Variants in ATL1 observed in about 807,000 individuals in gnomAD.
The protein encoded by ATL1 is atlastin-1.
ATL1 carries 31 observed loss-of-function variants against 75.5 expected under a neutral mutation model. The observed-to-expected ratio is 0.41, with a 90% confidence interval of 0.31 to 0.55. The LOEUF is 0.55. Among genes scored for constraint, ATL1 ranks in the 20% least tolerant of loss-of-function variants. The pLI, the probability that ATL1 is intolerant of heterozygous loss-of-function variation, is 0.27. For missense variants in ATL1, 405 were observed against 662.6 expected (o/e 0.61, Z 4.27); for synonymous variants, 226 against 233.3 (o/e 0.97, Z 0.28).
chr14:50,584,079 TA>T (rs1231486427), intron 1 of ATL1, among the ~76,000 whole-genome samples: 2 of 152,138 alleles, frequency 1.3e-5, no homozygotes, highest in Non-Finnish European at 2.9e-5. Flanking sequence ...AAGCAAACTT[TA>T]AAACATAGAA....
chr14:50,628,425 C>A lies in ATL1; in HGVS notation c.1514C>A (p.Ala505Asp). Residue 505 changes from alanine to aspartate, a missense_variant, in exon 12 of 14, where the codon GCT becomes GAT. By Grantham distance (126) the Ala-to-Asp change is moderately radical. Around this residue, in one of 5 missense-constraint regions of ATL1, gnomAD observed 163 missense variants for 244.1 expected, o/e 0.67. Coordinates refer to ENST00000358385, the MANE Select transcript of ATL1 (RefSeq NM_015915.5). ...RYSGEYRELGAVIDQVAAALW... is the reference protein window; with the variant it reads ...RYSGEYRELGDVIDQVAAALW... ...TCTGGAGAATACCGAGAGCTGGGAG[C>A]TGTAATAGACCAGGTGGCTGCAGCT... 6.2e-7 allele frequency: 1 copy of A among 1,614,098 alleles called. No individual in the cohort carries two copies. The highest frequency in any genetic ancestry group is 8.5e-7 in the Non-Finnish European group (1 of 1,180,028).
intron 6 of ATL1, among the ~76,000 whole-genome samples, chr14:50,609,362 A>G (rs1460349445): frequency 1.3e-5 from 2 of 152,042 alleles, no homozygotes; most frequent in Non-Finnish European, 2.9e-5. Context: ...ACTAAAAAGT[A>G]GGAGAATGAG....
At position 50,614,640 on chromosome 14, in the gene ATL1, G is replaced by C. The variant is rs931675040; in HGVS notation, c.862+129G>C. 41 of 1,053,880 alleles carry C rather than the reference G, an allele frequency of 3.9e-5. 1 individual carries two copies. The African/African-American group carries it at 6.0e-4, about 15-fold the overall frequency. The allele number at this position is 1,053,880 out of a possible 1,614,324, so 65.3% of individuals were successfully genotyped here. On this transcript the variant is annotated intron_variant, in intron 8 of 13. Coordinates refer to ENST00000358385, the MANE Select transcript of ATL1 (RefSeq NM_015915.5). ...GGAGGCTGATGATTAGAAATTGTCA[G>C]GAGAATAGGGCATCCTGGGCTGGTG...
chr14:50,593,893 C>G lies in ATL1; in HGVS notation c.570C>G (p.Leu190=), dbSNP rs202173614. The G allele has an allele frequency of 1.6e-4, 262 of 1,604,762 alleles. 2 individuals carry two copies. In the East Asian group the frequency reaches 5.7e-3, roughly 35 times the overall value. ...QNVQEDDLQH[L]QLFTEYGRLA... is the part of the protein sequence containing the mutation. Reference sequence around the variant, plus strand: ...TCCAGGAGGATGATCTTCAGCACCTCCAGGTAACAATATTTATTTTCTTTT... The same window carrying G: ...TCCAGGAGGATGATCTTCAGCACCTGCAGGTAACAATATTTATTTTCTTTT... The change falls in exon 5 of 14, where the codon CTC becomes CTG. Residue 190 remains leucine (L), a synonymous_variant. Transcript: ENST00000358385.
At chr14:50,593,541 C>G (rs2039183429) in intron 4 of ATL1, among the ~76,000 whole-genome samples, 2 of 152,074 alleles carry the variant, frequency 1.3e-5, no homozygotes, top group African/African-American at 4.8e-5. Context: ...ATTATTTTGT[C>G]TTGCTTGGAA....
At chr14:50,602,759 T>C (rs1002695869) in intron 6 of ATL1, among the ~76,000 whole-genome samples, 16 of 152,140 alleles carry the variant, frequency 1.1e-4, no homozygotes, top group Non-Finnish European at 7.4e-5. Context: ...TAGTTGGGAA[T>C]TTTAGCAGGA....
chr14:50,588,792 G>C (rs1316420082), intron 2 of ATL1, among the ~76,000 whole-genome samples: 1 of 152,064 alleles, frequency 6.6e-6, no homozygotes, highest in Non-Finnish European at 1.5e-5. Context: ...TTCAGGCTTA[G>C]GATTTTTATG....
intron 6 of ATL1, 140 bp downstream of exon 6, chr14:50,595,772 C>A: frequency 1.4e-6 from 1 of 715,054 alleles, no homozygotes; most frequent in Non-Finnish European, 2.4e-6. Context: ...CTATTTGATG[C>A]AATATAGAAT....
chr14:50,597,735 C>A (rs1295980756), intron 6 of ATL1, among the ~76,000 whole-genome samples: 3 of 152,064 alleles, frequency 2.0e-5, no homozygotes, highest in African/African-American at 7.2e-5. Flanking sequence ...CACTCTGTCG[C>A]CCAGGCTGGA....
intron 1 of ATL1, among the ~76,000 whole-genome samples, chr14:50,577,969 A>C (rs992340970): frequency 6.6e-6 from 1 of 152,170 alleles, no homozygotes; most frequent in African/African-American, 2.4e-5. Flanking sequence ...TACCATAATT[A>C]TATGTATGGG....
At chr14:50,562,529 A>G (rs2038860173) in intron 1 of ATL1, among the ~76,000 whole-genome samples, 1 of 152,186 alleles carries the variant, frequency 6.6e-6, no homozygotes, top group Admixed American at 6.5e-5. Context: ...ATTTTAGGTG[A>G]TTGGGAAGCA....
intron 1 of ATL1, among the ~76,000 whole-genome samples, chr14:50,577,869 A>G (rs1330522771): frequency 6.6e-6 from 1 of 152,174 alleles, no homozygotes; most frequent in Non-Finnish European, 1.5e-5. Flanking sequence ...ATTTCATTGT[A>G]TGGATATACC....
chr14:50,564,440 G>A lies in ATL1; in HGVS notation c.34+4141G>A, dbSNP rs112876220. 4.7e-3 allele frequency among the ~76,000 whole-genome samples: 710 copies of A among 152,042 alleles called. 1 individual carries two copies. Among genetic ancestry groups the A allele is most frequent in the Admixed American group, 8.1e-3 (123 of 15,264 alleles). On this transcript the variant is annotated intron_variant, in intron 1 of 13. Transcript: ENST00000358385. Reference sequence around the variant, plus strand: ...TAAGGCGGGCAGATCAGGAGGTCAGGAGATGGAGACCATCCTGGCTGACAC... The same window carrying A: ...TAAGGCGGGCAGATCAGGAGGTCAGAAGATGGAGACCATCCTGGCTGACAC...
At chr14:50,608,280 C>A (rs533578400) in intron 6 of ATL1, among the ~76,000 whole-genome samples, 14 of 151,218 alleles carry the variant, frequency 9.3e-5, no homozygotes, top group Non-Finnish European at 1.5e-4. Context: ...GAAATCCATA[C>A]ATGATGAATG....
intron 11 of ATL1, among the ~76,000 whole-genome samples, chr14:50,627,149 T>C (rs1331451572): frequency 2.0e-5 from 3 of 152,214 alleles, no homozygotes; most frequent in African/African-American, 4.8e-5. Context: ...ACCACCCTAA[T>C]CAGTCAGCAG....
intron 1 of ATL1, among the ~76,000 whole-genome samples, chr14:50,581,952 G>GTCAA (rs2039059401): frequency 6.6e-6 from 1 of 152,086 alleles, no homozygotes; most frequent in Non-Finnish European, 1.5e-5. Flanking sequence ...AAGCTTTATT[G>GTCAA]GTACTAATAT....
At chr14:50,534,328 G>A (rs565960785) in intron 1 of ATL1, among the ~76,000 whole-genome samples, 13 of 152,226 alleles carry the variant, frequency 8.5e-5, no homozygotes, top group African/African-American at 2.9e-4. Flanking sequence ...GTGACAAATC[G>A]GCCAACCAGA....
intron 11 of ATL1, 37 bp from the exon 12 acceptor site, chr14:50,627,994 T>C: frequency 2.5e-6 from 4 of 1,610,088 alleles, no homozygotes; most frequent in Non-Finnish European, 2.5e-6. Context: ...AATTTTACTC[T>C]GCATTGCATA....
intron 1 of ATL1, 156 bp downstream of exon 1, chr14:50,560,455 G>A (rs934477192): frequency 2.0e-6 from 2 of 1,015,708 alleles, no homozygotes; most frequent in Non-Finnish European, 1.5e-6. Context: ...TTGGGCGGAG[G>A]AACCATGGCC....
Sources: gnomAD v4.1 joint callset for allele counts (sites outside exome capture counted in the v4.1 genomes callset) on GRCh38, gnomAD v4.1.1 for gene constraint, gnomAD v4.1.1 regional missense constraint, MANE v1.5 for transcripts, NCBI Gene and HGNC (gene_info 2026-07-23, HGNC 2026-07-21) for gene names.